Variants in CHRNA5 observed in about 807,000 individuals in gnomAD.
CHRNA5 encodes the protein neuronal acetylcholine receptor subunit alpha-5.
In CHRNA5, 28 loss-of-function variants were observed where a neutral mutation model predicts 41.2. The ratio of observed to expected loss-of-function variants is 0.68; its 90% CI spans 0.50 to 0.93. CHRNA5 has a LOEUF of 0.93. Among genes scored for constraint, CHRNA5 ranks in the 40% least tolerant of loss-of-function variants. The pLI is 0.00. For missense variants in CHRNA5, 481 were observed against 581.9 expected (o/e 0.83, Z 1.78); for synonymous variants, 188 against 205.8 (o/e 0.91, Z 0.74).
exon 6 of CHRNA5, chr15:78,594,605 G>A (rs4887067): frequency 0.24 from 36,682 of 152,310 alleles, 5,800 homozygotes; most frequent in Middle Eastern, 0.4. Context: ...TTGAACCTGG[G>A]AGGTGGAGGC....
At chr15:78,570,513 G>A (rs1315311379) in intron 1 of CHRNA5, among the ~76,000 whole-genome samples, 8 of 139,240 alleles carry the variant, frequency 5.7e-5, no homozygotes, top group African/African-American at 1.9e-4. Flanking sequence ...CGAATGATCC[G>A]CCCGCCTTGG....
exon 1 of CHRNA5, chr15:78,565,701 C>G: frequency 9.2e-7 from 1 of 1,090,602 alleles, no homozygotes; most frequent in Non-Finnish European, 1.1e-6. Context: ...TGCCCGCGGT[C>G]CCGCGCGGGC....
exon 6 of CHRNA5, chr15:78,593,245 A>G (rs2053040988): frequency 6.2e-7 from 1 of 1,609,574 alleles, no homozygotes; most frequent in African/African-American, 1.3e-5. Flanking sequence ...TGGAAATGCA[A>G]ATAAGTGAAG....
At chr15:78,573,436 G>A (rs1318719032) in intron 1 of CHRNA5, among the ~76,000 whole-genome samples, 2 of 152,202 alleles carry the variant, frequency 1.3e-5, no homozygotes, top group Non-Finnish European at 1.5e-5. Context: ...TTTACCCCAG[G>A]AAGACAGGCA....
chr15:78,580,662 A>T (rs1395955385), intron 1 of CHRNA5, 149 bp from the exon 2 acceptor site: 1 of 458,574 alleles, frequency 2.2e-6, no homozygotes, highest in Non-Finnish European at 3.8e-6. Context: ...TTTGAGACAG[A>T]GTCTCTCTCC....
At chr15:78,586,537 G>T (rs1207263403) in intron 2 of CHRNA5, 108 bp from the exon 3 acceptor site, 2 of 644,482 alleles carry the variant, frequency 3.1e-6, no homozygotes, top group Non-Finnish European at 2.7e-6. Flanking sequence ...ATGAAATGTG[G>T]GTACTATGTG....
At chr15:78,566,740 A>C (rs2052751314) in intron 1 of CHRNA5, among the ~76,000 whole-genome samples, 1 of 152,180 alleles carries the variant, frequency 6.6e-6, no homozygotes, top group South Asian at 2.1e-4. Context: ...TGATTTTAGG[A>C]AGTAATAAGA....
exon 6 of CHRNA5, chr15:78,593,353 AAG>A: frequency 8.3e-7 from 1 of 1,203,012 alleles, no homozygotes; most frequent in Non-Finnish European, 1.1e-6. Context: ...AATTTAGTGC[AAG>A]CTTTAACAGA....
intron 1 of CHRNA5, among the ~76,000 whole-genome samples, chr15:78,571,905 C>T (rs185914469): frequency 1.3e-5 from 2 of 152,024 alleles, no homozygotes; most frequent in African/African-American, 4.8e-5. Flanking sequence ...CATTTTCCCT[C>T]GTTTACAAAA....
intron 5 of CHRNA5, 30 bp downstream of exon 5, chr15:78,590,666 C>A: frequency 1.3e-6 from 2 of 1,543,392 alleles, no homozygotes; most frequent in Non-Finnish European, 1.8e-6. Flanking sequence ...AAATGCAGAT[C>A]TTCTTCCATT....
At chr15:78,592,523 T>C (rs2053027625) in intron 5 of CHRNA5, among the ~76,000 whole-genome samples, 1 of 152,102 alleles carries the variant, frequency 6.6e-6, no homozygotes. Flanking sequence ...TTTTTCCTTG[T>C]GGTGGCTCCG....
At chr15:78,590,400 A>T (rs775575449) in exon 5 of CHRNA5, 2 of 1,614,164 alleles carry the variant, frequency 1.2e-6, no homozygotes, top group Non-Finnish European at 1.7e-6. Flanking sequence ...CGCTATCAAC[A>T]TTCATCATCG....
intron 2 of CHRNA5, among the ~76,000 whole-genome samples, chr15:78,583,893 CTT>C (rs2141414463): frequency 6.6e-6 from 1 of 152,152 alleles, no homozygotes; most frequent in South Asian, 2.1e-4. Flanking sequence ...CTGTTGAAAA[CTT>C]TGATGAGTTT....
In CHRNA5 at chr15:78,595,223, T is replaced by C. The variant is rs964625707; in HGVS notation, c.*1970T>C. On this transcript the variant is annotated 3_prime_UTR_variant, in exon 6 of 6. Transcript: ENST00000299565. ...TATACATCCCTGATCCCTCTTATACTACCATTACTGTTACTTATGATTTTT... is the reference window on the plus strand; with the variant it reads ...TATACATCCCTGATCCCTCTTATACCACCATTACTGTTACTTATGATTTTT... The C allele has an allele frequency of 4.4e-6, 4 of 905,700 alleles. No homozygotes were observed. In the African/African-American group the frequency reaches 7.2e-5, roughly 16 times the overall value. 56.1% of individuals were successfully genotyped at this position (905,700 alleles called of 1,614,324 possible).
At chr15:78,567,069 A>C (rs900108519) in intron 1 of CHRNA5, among the ~76,000 whole-genome samples, 1 of 151,966 alleles carries the variant, frequency 6.6e-6, no homozygotes. Flanking sequence ...TGGCTAACAC[A>C]GTGAAACCCC....
intron 1 of CHRNA5, among the ~76,000 whole-genome samples, chr15:78,570,529 C>T (rs905136874): frequency 6.7e-6 from 1 of 149,434 alleles, no homozygotes; most frequent in African/African-American, 2.5e-5. Flanking sequence ...CTTGGCTTCG[C>T]AAAGTGCTGG....
intron 1 of CHRNA5, among the ~76,000 whole-genome samples, chr15:78,573,520 T>C (rs1460933741): frequency 6.6e-6 from 1 of 152,236 alleles, no homozygotes; most frequent in Non-Finnish European, 1.5e-5. Context: ...AGTTGGCATT[T>C]GTTGAATTAA....
chr15:78,586,739 AT>A, intron 3 of CHRNA5, 50 bp downstream of exon 3: 1 of 1,224,966 alleles, frequency 8.2e-7, no homozygotes, highest in Non-Finnish European at 1.2e-6. Flanking sequence ...TGGGACACCT[AT>A]TTTTATTATA....
At chr15:78,568,641 A>G (rs1358252760) in intron 1 of CHRNA5, among the ~76,000 whole-genome samples, 1 of 150,986 alleles carries the variant, frequency 6.6e-6, no homozygotes, top group East Asian at 1.9e-4. Flanking sequence ...CTTGCCCCCA[A>G]CCTCCCGACA....
Sources: allele counts gnomAD v4.1 joint callset (sites outside exome capture counted in the v4.1 genomes callset), GRCh38; gene constraint gnomAD v4.1.1; transcripts MANE v1.5; gene names NCBI Gene and HGNC (gene_info 2026-07-23, HGNC 2026-07-21).